Variants in SLC9A7 observed in about 807,000 individuals in gnomAD.
SLC9A7 encodes sodium/hydrogen exchanger 7.
In SLC9A7, 19 loss-of-function variants were observed where a neutral mutation model predicts 52.6. That is an observed-to-expected ratio of 0.36 (90% CI 0.25 to 0.53). The LOEUF (loss-of-function observed/expected upper bound fraction) is 0.53. Among genes scored for constraint, SLC9A7 ranks in the 20% least tolerant of loss-of-function variants. SLC9A7 has a pLI of 0.91. For synonymous variants in SLC9A7, 226 were observed against 252.1 expected, an observed-to-expected ratio of 0.90 and a Z score of 0.98; for missense variants, 455 against 597.9, an observed-to-expected ratio of 0.76 and a Z score of 2.49.
chrX:46,652,754 T>C lies in SLC9A7; in HGVS notation c.1147+855A>G, dbSNP rs755466061. 3.6e-5 allele frequency among the ~76,000 whole-genome samples: 4 copies of C among 112,202 alleles called. No individual in the cohort carries two copies. In the East Asian group the frequency reaches 8.4e-4, roughly 23 times the overall value. On this transcript the variant is annotated intron_variant, in intron 8 of 16. Transcript: ENST00000616978. ...AATTTTCTAATGGAAAAATTCAATG[T>C]TTTTTTAAAATGAAAGAATGTGAGG... is the stretch of plus-strand genomic sequence containing the variant.
chrX:46,666,229 C>A lies in SLC9A7; in HGVS notation c.793+3378G>T, dbSNP rs894027401. 2.7e-5 allele frequency among the ~76,000 whole-genome samples: 3 copies of A among 111,699 alleles called. No homozygotes were observed. The Admixed American group carries it at 2.9e-4, about 11-fold the overall frequency. On this transcript the variant is annotated intron_variant, in intron 5 of 16. Coordinates refer to ENST00000616978, the MANE Select transcript of SLC9A7 (RefSeq NM_001257291.2). The stretch of plus-strand genomic sequence containing the variant: ...TCAAGCAATCGTCTTGCCTCAGCCC[C>A]CCGAGTAGCTGGAACTATAGGCAAT...
chrX:46,615,867 G>T lies in SLC9A7; in HGVS notation c.1824-2473C>A, dbSNP rs189497937. 4.5e-5 allele frequency among the ~76,000 whole-genome samples: 5 copies of T among 110,014 alleles called. No individual in the cohort carries two copies. In the East Asian group the frequency reaches 8.5e-4, roughly 19 times the overall value. On this transcript the variant is annotated intron_variant, in intron 15 of 16. Coordinates refer to ENST00000616978, the MANE Select transcript of SLC9A7 (RefSeq NM_001257291.2). ...TTTTCCTTCCTAGTAAGGATGGTAC[G>T]TTTAACTCATTTACACTCCTGTCTC... is the stretch of plus-strand genomic sequence containing the variant.
intron 11 of SLC9A7, among the ~76,000 whole-genome samples, chrX:46,647,596 T>C (rs1943514148): frequency 1.8e-5 from 2 of 112,668 alleles, no homozygotes; most frequent in African/African-American, 6.4e-5. Context: ...AATTAACTCT[T>C]TGTGTACCTG....
chrX:46,693,940 G>A lies in SLC9A7; in HGVS notation c.326-11405C>T, dbSNP rs192561349. Reference sequence around the variant, plus strand: ...GAGGCCATTATCCTAAGCGAATTAAGGCAGGAACAGAAAAACAAATACCAC... The same window carrying A: ...GAGGCCATTATCCTAAGCGAATTAAAGCAGGAACAGAAAAACAAATACCAC... On this transcript the variant is annotated intron_variant, in intron 1 of 16. Transcript: ENST00000616978. Among the ~76,000 whole-genome samples, 161 of 109,799 alleles carry A rather than the reference G, an allele frequency of 1.5e-3. 2 individuals are homozygous for A. In the South Asian group the frequency reaches 0.039, roughly 27 times the overall value.
intron 1 of SLC9A7, among the ~76,000 whole-genome samples, chrX:46,748,145 G>A (rs1277321811): frequency 1.8e-5 from 2 of 110,406 alleles, no homozygotes; most frequent in African/African-American, 6.6e-5. Flanking sequence ...TCAGGAGTTC[G>A]AGACCAGCCT....
intron 14 of SLC9A7, among the ~76,000 whole-genome samples, chrX:46,627,791 G>T (rs2146716969): frequency 9.3e-6 from 1 of 107,927 alleles, no homozygotes; most frequent in South Asian, 4.1e-4. Flanking sequence ...GGGGGGGGCG[G>T]TGGTCACAGA....
chrX:46,627,667 A>C (rs929291857), intron 14 of SLC9A7, among the ~76,000 whole-genome samples: 3 of 110,756 alleles, frequency 2.7e-5, no homozygotes, highest in Non-Finnish European at 3.8e-5. Context: ...TTTGTCAAAT[A>C]AATGAATAAA....
chrX:46,711,413 C>A (rs1175401539), intron 1 of SLC9A7, among the ~76,000 whole-genome samples: 1 of 111,724 alleles, frequency 9.0e-6, no homozygotes, highest in Non-Finnish European at 1.9e-5. Flanking sequence ...GTTGACTGAG[C>A]ACGACACACA....
chrX:46,688,912 A>C (rs1004996749), intron 1 of SLC9A7, among the ~76,000 whole-genome samples: 6 of 111,245 alleles, frequency 5.4e-5, no homozygotes, highest in Non-Finnish European at 3.8e-5. Context: ...TACAATTTGA[A>C]AATATTTTCC....
intron 1 of SLC9A7, among the ~76,000 whole-genome samples, chrX:46,711,210 G>A (rs1944681320): frequency 8.9e-6 from 1 of 112,972 alleles, no homozygotes; most frequent in African/African-American, 3.2e-5. Context: ...GCTCACTCCT[G>A]TTATGACAGC....
chrX:46,671,205 C>T lies in SLC9A7; in HGVS notation c.680+1346G>A, dbSNP rs752787708. On this transcript the variant is annotated intron_variant, in intron 4 of 16. Transcript: ENST00000616978. The stretch of plus-strand genomic sequence containing the variant: ...GGATCTTATCCGGGATACCACATGG[C>T]GTTTAGTCATCCAATCCCTTTAGTC... Among the ~76,000 whole-genome samples the T allele has an allele frequency of 3.6e-5, 4 of 111,623 alleles. No homozygotes were observed. In the South Asian group the frequency reaches 1.1e-3, roughly 31 times the overall value.
At chrX:46,635,730 T>C (rs1177634833) in intron 12 of SLC9A7, 82 bp from the exon 13 acceptor site, 1 of 671,784 alleles carries the variant, frequency 1.5e-6, no homozygotes. Context: ...CTGGACCATG[T>C]CCACCAGAGA....
intron 5 of SLC9A7, among the ~76,000 whole-genome samples, chrX:46,669,040 C>T (rs1300766917): frequency 6.5e-5 from 7 of 108,489 alleles, no homozygotes; most frequent in African/African-American, 1.7e-4. Context: ...TGGTGGCAGG[C>T]GCCTGTAGTC....
Position 46,635,736 on chromosome X carries a change from A to T in SLC9A7, c.1617-88T>A, listed in dbSNP as rs184363503. ...GCAAATGATCTGGACCATGTCCACC[A>T]GAGAATATTTTTCACTTTCAATATG... On this transcript the variant is annotated intron_variant, in intron 12 of 16. Transcript: ENST00000616978. 3 of 661,251 alleles carry T rather than the reference A, an allele frequency of 4.5e-6. No individual in the cohort carries two copies. In the African/African-American group the frequency reaches 6.5e-5, roughly 14 times the overall value. The allele number at this position is 661,251 out of a possible 1,213,427, so 54.5% of individuals were successfully genotyped here. A position where few individuals can be genotyped will look rare whatever the true frequency, so the allele number is the denominator to read the frequency against.
intron 10 of SLC9A7, 100 bp from the exon 11 acceptor site, chrX:46,648,897 C>G (rs550302276): frequency 3.5e-6 from 2 of 578,612 alleles, no homozygotes; most frequent in South Asian, 5.5e-5. Context: ...TGTGACACCT[C>G]GTTATAGTCC....
At chrX:46,732,772 T>C (rs1190169958) in intron 1 of SLC9A7, among the ~76,000 whole-genome samples, 1 of 111,694 alleles carries the variant, frequency 9.0e-6, no homozygotes, top group Non-Finnish European at 1.9e-5. Context: ...ATACATAAGA[T>C]GCTCAAGGTT....
rs146019871 is a variant in SLC9A7 at position 46,630,802 on chromosome X, C to T, written c.1740+784G>A. Among the ~76,000 whole-genome samples the T allele has an allele frequency of 8.4e-3, 945 of 112,387 alleles. 8 individuals carry two copies. The highest frequency in any genetic ancestry group is 0.013 in the Non-Finnish European group (678 of 53,216). The stretch of plus-strand genomic sequence containing the variant: ...TGCATTTCTAAGCAATAGAAAGCCA[C>T]GGAAGTGATGCTGTAGAACTTGCAA... On this transcript the variant is annotated intron_variant, in intron 14 of 16. Coordinates refer to ENST00000616978, the MANE Select transcript of SLC9A7 (RefSeq NM_001257291.2).
rs1021471718 is a variant in SLC9A7, at chrX:46,601,502, T to A, written c.*5450A>T. 1 of 112,584 alleles carries A rather than the reference T, an allele frequency of 8.9e-6. No individual in the cohort carries two copies. The highest frequency in any genetic ancestry group is 1.9e-5 in the Non-Finnish European group (1 of 53,314). 9.3% of individuals were successfully genotyped at this position (112,584 alleles called of 1,213,427 possible). On this transcript the variant is annotated 3_prime_UTR_variant, in exon 17 of 17. Transcript: ENST00000616978. Reference sequence around the variant, plus strand: ...ATAGCTGAGATACCCTTTTGCATGTTTTCTAAAGAGATTCCATTTGTCAGC... The same window carrying A: ...ATAGCTGAGATACCCTTTTGCATGTATTCTAAAGAGATTCCATTTGTCAGC...
intron 1 of SLC9A7, among the ~76,000 whole-genome samples, chrX:46,687,527 G>A (rs1315212027): frequency 1.8e-5 from 2 of 111,868 alleles, no homozygotes; most frequent in Admixed American, 9.5e-5. Flanking sequence ...AGGTTTGGGG[G>A]TAATTTACAT....
Sources: allele counts gnomAD v4.1 joint callset (sites outside exome capture counted in the v4.1 genomes callset), GRCh38; gene constraint gnomAD v4.1.1; transcripts MANE v1.5; gene names NCBI Gene and HGNC (gene_info 2026-07-23, HGNC 2026-07-21).